BMPER: variants seen among roughly 807,000 people sequenced by gnomAD.
BMPER encodes the protein BMP-binding endothelial regulator protein.
A neutral mutation model predicts 87.3 loss-of-function variants in BMPER; 45 were observed. The ratio of observed to expected loss-of-function variants is 0.52; its 90% CI spans 0.41 to 0.66. BMPER has a LOEUF of 0.66. Ranked by LOEUF, BMPER falls within the 30% of genes least tolerant of loss-of-function variation. The pLI is 0.00. For synonymous variants in BMPER, 326 were observed against 316.2 expected (o/e 1.03, Z -0.33); for missense variants, 784 against 867.5 (o/e 0.90, Z 1.21).
In BMPER at chr7:33,974,800, G is replaced by A; in HGVS notation, c.576+16G>A. The A allele has an allele frequency of 1.2e-6, 2 of 1,612,366 alleles. No individual in the cohort carries two copies. The highest frequency in any genetic ancestry group is 1.7e-6 in the Non-Finnish European group (2 of 1,178,490). ...TTCCTGCACTGTAAGTCCTGCTGTG[G>A]ATGTTCCCAGGGTGTCCTTTGGGCA... On this transcript the variant is annotated intron_variant, in intron 6 of 14. Transcript: ENST00000649409.
At chr7:34,090,876 G>A (rs1789361100) in intron 13 of BMPER, among the ~76,000 whole-genome samples, 1 of 152,188 alleles carries the variant, frequency 6.6e-6, no homozygotes, top group Non-Finnish European at 1.5e-5. Flanking sequence ...TCATTCACCA[G>A]AGCGAAAACC....
chr7:34,047,832 T>C (rs1183839473), intron 7 of BMPER, among the ~76,000 whole-genome samples: 542 of 149,734 alleles, frequency 3.6e-3, no homozygotes, highest in Middle Eastern at 0.017. Context: ...TCCTACTTTC[T>C]TGCTTTCTTT....
intron 13 of BMPER, among the ~76,000 whole-genome samples, chr7:34,129,621 A>G (rs1790512110): frequency 7.7e-6 from 1 of 129,768 alleles, no homozygotes; most frequent in Non-Finnish European, 1.6e-5. Flanking sequence ...AGAGAGAGAG[A>G]GAGAAAGAGA....
chr7:34,073,752 G>A (rs1788793732), intron 11 of BMPER, among the ~76,000 whole-genome samples: 1 of 152,234 alleles, frequency 6.6e-6, no homozygotes, highest in Non-Finnish European at 1.5e-5. Flanking sequence ...ACAAGATAGA[G>A]TATTTGAAAT....
chr7:34,002,660 A>G (rs533429066), intron 6 of BMPER, among the ~76,000 whole-genome samples: 1 of 151,740 alleles, frequency 6.6e-6, no homozygotes, highest in Non-Finnish European at 1.5e-5. Context: ...TCTTTCTTCA[A>G]TTCTTTCAGT....
intron 13 of BMPER, among the ~76,000 whole-genome samples, chr7:34,133,200 A>G (rs998134963): frequency 2.0e-5 from 3 of 152,222 alleles, no homozygotes; most frequent in South Asian, 4.1e-4. Flanking sequence ...GGAACCAACC[A>G]TGTAATTAGA....
intron 13 of BMPER, among the ~76,000 whole-genome samples, chr7:34,120,267 A>G (rs1048586955): frequency 6.6e-6 from 1 of 152,248 alleles, no homozygotes; most frequent in African/African-American, 2.4e-5. Context: ...GGAAAATTGT[A>G]AAAACTTGAC....
intron 6 of BMPER, among the ~76,000 whole-genome samples, chr7:34,030,262 TACAGCTA>T (rs1474503365): frequency 6.6e-6 from 1 of 152,074 alleles, no homozygotes; most frequent in Admixed American, 6.6e-5. Flanking sequence ...GGAAGAAACA[TACAGCTA>T]TAGAACCTTA....
chr7:34,134,086 C>G (rs996818507), intron 13 of BMPER, among the ~76,000 whole-genome samples: 2 of 152,118 alleles, frequency 1.3e-5, no homozygotes, highest in East Asian at 1.9e-4. Context: ...CCATCTCGCC[C>G]TGCCCTTTCC....
intron 11 of BMPER, among the ~76,000 whole-genome samples, chr7:34,071,761 A>G (rs991571289): frequency 6.6e-6 from 1 of 152,236 alleles, no homozygotes; most frequent in Admixed American, 6.5e-5. Flanking sequence ...CCCTGAGCTC[A>G]GAAACATTTA....
intron 3 of BMPER, among the ~76,000 whole-genome samples, chr7:33,944,115 G>A (rs1784826602): frequency 6.6e-6 from 1 of 151,642 alleles, no homozygotes; most frequent in African/African-American, 2.4e-5. Flanking sequence ...TGTTTTACTG[G>A]CCTCTTATTT....
rs946485169 is a variant in BMPER at position 34,155,265 on chromosome 7, T to C, written c.*1992T>C. The C allele has an allele frequency of 6.6e-6, 1 of 152,228 alleles. No homozygotes were observed. Among genetic ancestry groups the C allele is most frequent in the Non-Finnish European group, 1.5e-5 (1 of 68,056 alleles). 9.4% of individuals were successfully genotyped at this position (152,228 alleles called of 1,614,324 possible). On this transcript the variant is annotated 3_prime_UTR_variant, in exon 15 of 15. Transcript: ENST00000649409. ...AACGAACAGATTCCTTAAGATTAGC[T>C]TTAAATCCCTTTTCAGTTCACTGTT...
chr7:33,969,739 A>T (rs1011053200), intron 4 of BMPER, among the ~76,000 whole-genome samples: 4 of 152,214 alleles, frequency 2.6e-5, no homozygotes, highest in African/African-American at 9.6e-5. Context: ...CTATTTTGAC[A>T]TATATAATAT....
intron 2 of BMPER, among the ~76,000 whole-genome samples, chr7:33,933,526 GACTCAA>G (rs1298992722): frequency 6.6e-6 from 1 of 150,624 alleles, no homozygotes; most frequent in Admixed American, 6.6e-5. Context: ...GATCTGGAGA[GACTCAA>G]ACTCAAGCTG....
chr7:34,153,421 A>G lies in BMPER; in HGVS notation c.*148A>G. On this transcript the variant is annotated 3_prime_UTR_variant, in exon 15 of 15. Transcript: ENST00000649409. The stretch of plus-strand genomic sequence containing the variant: ...GTGTATATATATATAGATATATTCA[A>G]AAACATTGCATCATTTATATGAACT... 1 of 757,206 alleles carries G rather than the reference A, an allele frequency of 1.3e-6. No homozygotes were observed. The highest frequency in any genetic ancestry group is 1.8e-5 in the African/African-American group (1 of 56,782). The allele number at this position is 757,206 out of a possible 1,614,324, so 46.9% of individuals were successfully genotyped here.
intron 2 of BMPER, among the ~76,000 whole-genome samples, chr7:33,917,798 CT>C (rs1168360767): frequency 1.3e-5 from 2 of 152,136 alleles, no homozygotes; most frequent in African/African-American, 4.8e-5. Context: ...GCTGCTAATG[CT>C]GTCGGCATAG....
intron 6 of BMPER, among the ~76,000 whole-genome samples, chr7:34,010,478 C>T (rs1261603938): frequency 6.6e-6 from 1 of 151,896 alleles, no homozygotes; most frequent in African/African-American, 2.4e-5. Context: ...TTCATTCACC[C>T]TAATTATATG....
At position 34,046,335 on chromosome 7, in the gene BMPER, C is replaced by G. The variant is rs1787965884; in HGVS notation, c.606C>G (p.Val202=). The change falls in exon 7 of 15, where the codon GTC becomes GTG. Residue 202 remains valine (V), a synonymous_variant. Transcript: ENST00000649409. ...TGGRTQCVRE[V]CPILSCPQHL... ...GCAGGACACAATGTGTGAGAGAAGT[C>G]TGTCCCATTCTCTCCTGTCCCCAGC... 33 of 1,613,972 alleles carry G rather than the reference C, an allele frequency of 2.0e-5. No homozygotes were observed. Among genetic ancestry groups the G allele is most frequent in the Non-Finnish European group, 2.7e-5 (32 of 1,179,890 alleles).
At position 33,939,171 on chromosome 7, in the gene BMPER, C is replaced by T. The variant is rs114946627; in HGVS notation, c.319+1783C>T. On this transcript the variant is annotated intron_variant, in intron 3 of 14. Transcript: ENST00000649409. ...GCCCTTCACATGCTTGACAAGCTTTCGGTTTGCTTCTCCATGATTGGTCAT... is the reference window on the plus strand; with the variant it reads ...GCCCTTCACATGCTTGACAAGCTTTTGGTTTGCTTCTCCATGATTGGTCAT... 6.6e-3 allele frequency among the ~76,000 whole-genome samples: 1,002 copies of T among 152,228 alleles called. 12 individuals carry two copies. The highest frequency in any genetic ancestry group is 0.023 in the African/African-American group (954 of 41,520).
Sources: gnomAD v4.1 joint callset for allele counts (sites outside exome capture counted in the v4.1 genomes callset) on GRCh38, gnomAD v4.1.1 for gene constraint, MANE v1.5 for transcripts, NCBI Gene and HGNC (gene_info 2026-07-23, HGNC 2026-07-21) for gene names.